The following WDPCP variants were observed in gnomAD, a reference collection of about 807,000 sequenced individuals.
The protein encoded by WDPCP is WD repeat-containing and planar cell polarity effector protein fritz homolog.
Under a neutral mutation model 93.1 loss-of-function variants are expected in WDPCP, and 71 were observed. That is an observed-to-expected ratio of 0.76 (90% confidence interval 0.63 to 0.93). WDPCP has a LOEUF of 0.93. Ranked by LOEUF, WDPCP falls within the 40% of genes least tolerant of loss-of-function variation. The pLI is 0.00. For synonymous variants in WDPCP, 315 were observed against 315.0 expected (o/e 1.00, Z 0.00); for missense variants, 844 against 887.4 (o/e 0.95, Z 0.62).
At chr2:63,599,651 CAA>C (rs1189977152) in intron 3 of WDPCP, 1 of 154,976 alleles carries the variant, frequency 6.5e-6, no homozygotes, top group Non-Finnish European at 1.4e-5. Context: ...CTCATATAAA[CAA>C]AGACTTGAGC....
chr2:63,174,101 C>T (rs879239519), intron 15 of WDPCP, among the ~76,000 whole-genome samples: 1 of 152,092 alleles, frequency 6.6e-6, no homozygotes, highest in Non-Finnish European at 1.5e-5. Flanking sequence ...CTCTTTAGCC[C>T]TTTACACAAA....
intron 6 of WDPCP, among the ~76,000 whole-genome samples, chr2:63,454,147 C>G (rs1388024082): frequency 6.6e-6 from 1 of 150,904 alleles, no homozygotes; most frequent in African/African-American, 2.4e-5. Context: ...AAATGTGGCA[C>G]ATATACACCA....
chr2:63,657,300 G>A (rs1186412004), intron 2 of WDPCP, among the ~76,000 whole-genome samples: 2 of 148,026 alleles, frequency 1.4e-5, no homozygotes, highest in East Asian at 2.0e-4. Flanking sequence ...CGCCTCCTGG[G>A]TTCATGCCAT....
At chr2:63,531,256 T>TG (rs1402199993) in intron 1 of WDPCP, among the ~76,000 whole-genome samples, 1 of 152,176 alleles carries the variant, frequency 6.6e-6, no homozygotes, top group East Asian at 1.9e-4. Context: ...ACTCCACCTC[T>TG]GGGGGCAGGG....
intron 17 of WDPCP, among the ~76,000 whole-genome samples, chr2:63,143,217 T>C (rs528250734): frequency 2.0e-5 from 3 of 152,186 alleles, no homozygotes; most frequent in Admixed American, 1.3e-4. Context: ...AAATTTGTTT[T>C]GTCTGGTATA....
intron 9 of WDPCP, among the ~76,000 whole-genome samples, chr2:63,409,322 A>G (rs1694851447): frequency 6.6e-6 from 1 of 152,218 alleles, no homozygotes; most frequent in South Asian, 2.1e-4. Context: ...TTTGGCTCAC[A>G]GGAAGCCACA....
chr2:63,231,546 C>A lies in WDPCP; in HGVS notation c.1915+27761G>T, dbSNP rs57358712. Reference sequence around the variant, plus strand: ...TCCTATACACCAATAACAGACAAGCCGAGAGCCAAATCATGAGTGAACTGT... The same window carrying A: ...TCCTATACACCAATAACAGACAAGCAGAGAGCCAAATCATGAGTGAACTGT... On this transcript the variant is annotated intron_variant, in intron 14 of 17. Coordinates refer to ENST00000272321, the MANE Select transcript of WDPCP (RefSeq NM_015910.7). Among the ~76,000 whole-genome samples, 19 of 152,044 alleles carry A rather than the reference C, an allele frequency of 1.2e-4. No homozygotes were observed. In the South Asian group the frequency reaches 3.1e-3, roughly 25 times the overall value.
intron 3 of WDPCP, among the ~76,000 whole-genome samples, chr2:63,638,380 GTTAA>G (rs1258415636): frequency 2.0e-5 from 3 of 151,940 alleles, no homozygotes; most frequent in East Asian, 1.9e-4. Context: ...CGATGATTAT[GTTAA>G]TTAACTTCAT....
At chr2:63,644,506 T>C (rs1710025592) in intron 3 of WDPCP, among the ~76,000 whole-genome samples, 1 of 152,122 alleles carries the variant, frequency 6.6e-6, no homozygotes, top group African/African-American at 2.4e-5. Flanking sequence ...CCTCCCAAAG[T>C]GCTGGGATTA....
At chr2:63,745,264 T>C (rs1669778102) in intron 2 of WDPCP, among the ~76,000 whole-genome samples, 2 of 152,206 alleles carry the variant, frequency 1.3e-5, no homozygotes, top group Non-Finnish European at 1.5e-5. Flanking sequence ...AAAATTATTT[T>C]CTTAAATAAC....
At chr2:63,667,598 C>T (rs1315432948) in intron 2 of WDPCP, among the ~76,000 whole-genome samples, 1 of 152,182 alleles carries the variant, frequency 6.6e-6, no homozygotes, top group Admixed American at 6.5e-5. Context: ...TCCCTGTTAT[C>T]ATGTTTTCTT....
intron 14 of WDPCP, among the ~76,000 whole-genome samples, chr2:63,202,082 A>AGATTTTCT (rs1299967914): frequency 6.6e-6 from 1 of 151,466 alleles, no homozygotes; most frequent in Non-Finnish European, 1.5e-5. Flanking sequence ...ACAGCTTTTA[A>AGATTTTCT]GATTTTCTGA....
intron 2 of WDPCP, among the ~76,000 whole-genome samples, chr2:63,669,088 T>C (rs1710316756): frequency 6.6e-6 from 1 of 152,180 alleles, no homozygotes; most frequent in African/African-American, 2.4e-5. Context: ...CAGTAACACA[T>C]CTGTTCTTTT....
At chr2:63,614,731 A>G (rs1709654970) in intron 3 of WDPCP, among the ~76,000 whole-genome samples, 1 of 152,144 alleles carries the variant, frequency 6.6e-6, no homozygotes, top group Non-Finnish European at 1.5e-5. Flanking sequence ...CACTTGAAGA[A>G]CCTCATTCCA....
intron 2 of WDPCP, among the ~76,000 whole-genome samples, chr2:63,705,009 T>C (rs1228608459): frequency 1.3e-5 from 2 of 152,242 alleles, no homozygotes; most frequent in Non-Finnish European, 2.9e-5. Flanking sequence ...ATTAAAATTC[T>C]TCCTGGTTTA....
At chr2:63,251,678 A>T (rs541144776) in intron 14 of WDPCP, among the ~76,000 whole-genome samples, 1 of 151,738 alleles carries the variant, frequency 6.6e-6, no homozygotes, top group Non-Finnish European at 1.5e-5. Flanking sequence ...TTTTTAGTAG[A>T]GACGGGGTTT....
chr2:63,586,351 A>G (rs974230525), intron 1 of WDPCP, among the ~76,000 whole-genome samples: 6 of 152,360 alleles, frequency 3.9e-5, no homozygotes, highest in Non-Finnish European at 5.9e-5. Flanking sequence ...AATGTTAAGC[A>G]TAACTCCAAA....
chr2:63,258,480 C>G (rs1464086142), intron 14 of WDPCP, among the ~76,000 whole-genome samples: 1 of 152,086 alleles, frequency 6.6e-6, no homozygotes, highest in African/African-American at 2.4e-5. Flanking sequence ...AACAGCATTA[C>G]AAAAACAAAG....
At position 63,539,903 on chromosome 2, in the gene WDPCP, T is replaced by C. The variant is rs553205994; in HGVS notation, c.76-46963A>G. On this transcript the variant is annotated intron_variant, in intron 1 of 17. Transcript: ENST00000272321. ...ATCTCTTGAGTTATTCAGGACATGT[T>C]TTGCATTCTTTAGTACTTAATTTAA... Among the ~76,000 whole-genome samples the C allele has an allele frequency of 1.7e-3, 259 of 152,270 alleles. 1 individual carries two copies. Among genetic ancestry groups the C allele is most frequent in the African/African-American group, 6.0e-3 (249 of 41,572 alleles).
Sources: gnomAD v4.1 joint callset for allele counts (sites outside exome capture counted in the v4.1 genomes callset) on GRCh38, gnomAD v4.1.1 for gene constraint, MANE v1.5 for transcripts, NCBI Gene and HGNC (gene_info 2026-07-23, HGNC 2026-07-21) for gene names.